SLFN12L: variants seen among roughly 807,000 people sequenced by gnomAD.
SLFN12L encodes schlafen family member 12-like.
In SLFN12L, 34 loss-of-function variants were observed where a neutral mutation model predicts 34.8. The observed-to-expected ratio is 0.98, with a 90% CI of 0.74 to 1.30. SLFN12L has a LOEUF of 1.30. Among genes scored for constraint, SLFN12L ranks in the 50% most tolerant of loss-of-function variants. The pLI is 0.00. For synonymous variants in SLFN12L, 259 were observed against 247.5 expected, an observed-to-expected ratio of 1.05 and a Z score of -0.44; for missense variants, 703 against 696.2, an observed-to-expected ratio of 1.01 and a Z score of -0.11.
Position 35,464,788 on chromosome 17 carries a change from G to A in SLFN12L, c.*10135C>T, listed in dbSNP as rs7223250. 6.6e-6 allele frequency: 1 copy of A among 151,940 alleles called. No individual in the cohort carries two copies. Among genetic ancestry groups the A allele is most frequent in the African/African-American group, 2.4e-5 (1 of 41,358 alleles). 9.4% of individuals were successfully genotyped at this position (151,940 alleles called of 1,614,324 possible). Reference sequence around the variant, plus strand: ...CCATAATTTCACCCAATTGGAAATCGAAAATTTGTATACCAAAGAATTTAT... The same window carrying A: ...CCATAATTTCACCCAATTGGAAATCAAAAATTTGTATACCAAAGAATTTAT... On this transcript the variant is annotated 3_prime_UTR_variant, in exon 5 of 5. Coordinates refer to ENST00000628453, the MANE Select transcript of SLFN12L (RefSeq NM_001363830.2).
rs901368301 is a variant in SLFN12L at position 35,464,869 on chromosome 17, T to G, written c.*10054A>C. Among the ~76,000 whole-genome samples the G allele has an allele frequency of 4.6e-5, 7 of 152,224 alleles. No individual in the cohort carries two copies. In the East Asian group the frequency reaches 1.4e-3, roughly 29 times the overall value. ...GGTTTAGAACTGTAAGGTTTTTTGT[T>G]TTCTGTTTTTTGCTTTTTTTAGAGA... On this transcript the variant is annotated 3_prime_UTR_variant, in exon 5 of 5. Coordinates refer to ENST00000628453, the MANE Select transcript of SLFN12L (RefSeq NM_001363830.2).
chr17:35,530,966 A>G (rs1250874243), intron 1 of SLFN12L, among the ~76,000 whole-genome samples: 1 of 152,230 alleles, frequency 6.6e-6, no homozygotes, highest in Non-Finnish European at 1.5e-5. Flanking sequence ...AGGTCACAAC[A>G]AATTGCCATA....
At chr17:35,476,814 C>G (rs1186922943) in intron 4 of SLFN12L, among the ~76,000 whole-genome samples, 1 of 150,716 alleles carries the variant, frequency 6.6e-6, no homozygotes, top group African/African-American at 2.4e-5. Flanking sequence ...GTAACCCTAT[C>G]TGAAGAAATG....
At chr17:35,523,268 A>G (rs1209248502) in intron 1 of SLFN12L, among the ~76,000 whole-genome samples, 2 of 152,202 alleles carry the variant, frequency 1.3e-5, no homozygotes, top group Non-Finnish European at 2.9e-5. Context: ...ATGAAGTAAC[A>G]TAAAGAGTCT....
At chr17:35,512,885 C>T (rs56215540) in intron 2 of SLFN12L, among the ~76,000 whole-genome samples, 1,902 of 152,314 alleles carry the variant, frequency 0.012, 46 homozygotes, top group African/African-American at 0.043. Context: ...TGTTTCTACC[C>T]TCTCCGAACC....
At chr17:35,492,649 T>C (rs1290905372) in intron 2 of SLFN12L, among the ~76,000 whole-genome samples, 2 of 152,092 alleles carry the variant, frequency 1.3e-5, no homozygotes, top group Admixed American at 6.5e-5. Context: ...AATTCCAGGG[T>C]GTCTCCCGCT....
rs541910670 is a variant in SLFN12L, at chr17:35,490,405, C to T, written c.87-10210G>A. 2.4e-6 allele frequency: 3 copies of T among 1,246,464 alleles called. No individual in the cohort carries two copies. The African/African-American group carries it at 4.3e-5, about 18-fold the overall frequency. The allele number at this position is 1,246,464 out of a possible 1,614,324, so 77.2% of individuals were successfully genotyped here. The stretch of plus-strand genomic sequence containing the variant: ...CAAGAAGTTCATTCAGCTCCTGAAC[C>T]AGTCACCCGATGGGGTCTTGGTTTT... On this transcript the variant is annotated intron_variant, in intron 2 of 4. Transcript: ENST00000628453.
rs1160891993 is a variant in SLFN12L at position 35,464,763 on chromosome 17, C to A, written c.*10160G>T. 6.6e-6 allele frequency: 1 copy of A among 152,092 alleles called. No individual in the cohort carries two copies. Among genetic ancestry groups the A allele is most frequent in the Non-Finnish European group, 1.5e-5 (1 of 68,020 alleles). The allele number at this position is 152,092 out of a possible 1,614,324, so 9.4% of individuals were successfully genotyped here. On this transcript the variant is annotated 3_prime_UTR_variant, in exon 5 of 5. Transcript: ENST00000628453. ...CGTATATCTAAATTAAAACAAACAT[C>A]CATAATTTCACCCAATTGGAAATCG... is the stretch of plus-strand genomic sequence containing the variant.
At chr17:35,506,671 C>T (rs1049109588) in intron 2 of SLFN12L, among the ~76,000 whole-genome samples, 3 of 152,086 alleles carry the variant, frequency 2.0e-5, no homozygotes, top group Admixed American at 2.0e-4. Flanking sequence ...TTTGTTTTTG[C>T]AATAAGCCGA....
intron 2 of SLFN12L, chr17:35,480,429 A>T (rs1014424281): frequency 5.5e-5 from 22 of 402,070 alleles, no homozygotes; most frequent in Non-Finnish European, 8.7e-5. Flanking sequence ...TAATAATTTT[A>T]ATCTTGTCTT....
At chr17:35,495,742 G>A (rs1915034128) in intron 2 of SLFN12L, among the ~76,000 whole-genome samples, 1 of 143,150 alleles carries the variant, frequency 7.0e-6, no homozygotes, top group Admixed American at 7.6e-5. Context: ...GACCCTTTTC[G>A]GGGCAGGCAA....
chr17:35,478,029 G>T, intron 4 of SLFN12L, 46 bp downstream of exon 4: 2 of 1,225,726 alleles, frequency 1.6e-6, no homozygotes, highest in South Asian at 2.7e-5. Flanking sequence ...AAGGAGGTTT[G>T]AACACAGTTA....
chr17:35,495,955 G>T (rs556860992), intron 2 of SLFN12L, among the ~76,000 whole-genome samples: 2 of 145,990 alleles, frequency 1.4e-5, no homozygotes, highest in African/African-American at 5.1e-5. Context: ...ACAACAAAAC[G>T]CCAAGACGTG....
intron 2 of SLFN12L, among the ~76,000 whole-genome samples, chr17:35,520,145 T>C (rs1915955722): frequency 1.3e-5 from 2 of 152,238 alleles, no homozygotes; most frequent in Admixed American, 6.5e-5. Context: ...TTTTCTTCTA[T>C]CAGCTAAACA....
chr17:35,536,823 A>C (rs2072466153), intron 1 of SLFN12L, among the ~76,000 whole-genome samples: 1 of 151,498 alleles, frequency 6.6e-6, no homozygotes, highest in Non-Finnish European at 1.5e-5. Context: ...AAAAAAAAAT[A>C]AGAAAAATAA....
At chr17:35,520,740 G>T (rs572295846) in intron 2 of SLFN12L, among the ~76,000 whole-genome samples, 2 of 151,506 alleles carry the variant, frequency 1.3e-5, no homozygotes, top group Admixed American at 6.6e-5. Context: ...AGCAAAACTC[G>T]GTCTCAAAAA....
intron 2 of SLFN12L, among the ~76,000 whole-genome samples, chr17:35,504,537 C>T (rs1915404212): frequency 6.6e-6 from 1 of 152,212 alleles, no homozygotes; most frequent in Non-Finnish European, 1.5e-5. Flanking sequence ...ACATGGCAGT[C>T]CAGAGGCCCA....
At chr17:35,493,283 A>C (rs1914913179) in intron 2 of SLFN12L, among the ~76,000 whole-genome samples, 1 of 152,166 alleles carries the variant, frequency 6.6e-6, no homozygotes, top group Non-Finnish European at 1.5e-5. Context: ...TGCCTACTGG[A>C]AATGCACTGT....
chr17:35,494,463 A>G (rs1369915582), intron 2 of SLFN12L, among the ~76,000 whole-genome samples: 1 of 152,386 alleles, frequency 6.6e-6, no homozygotes, highest in South Asian at 2.1e-4. Context: ...AGGAAATATT[A>G]AAAACTGTCC....
Sources: allele counts gnomAD v4.1 joint callset (sites outside exome capture counted in the v4.1 genomes callset), GRCh38; gene constraint gnomAD v4.1.1; transcripts MANE v1.5; gene names NCBI Gene and HGNC (gene_info 2026-07-23, HGNC 2026-07-21).